The following CCDC80 variants were observed in gnomAD, a reference collection of about 807,000 sequenced individuals.
CCDC80 encodes the protein coiled-coil domain containing 80, also known as coiled-coil domain-containing protein 80.
CCDC80 carries 49 observed loss-of-function variants against 78.7 expected under a neutral mutation model. That is an observed-to-expected ratio of 0.62 (90% CI 0.50 to 0.79). The LOEUF (loss-of-function observed/expected upper bound fraction) is 0.79, where lower values mean the gene tolerates loss of function less well. Ranked by LOEUF, CCDC80 falls within the 30% of genes least tolerant of loss-of-function variation. The pLI is 0.00. For synonymous variants in CCDC80, 488 were observed against 447.0 expected (o/e 1.09, Z -1.16); for missense variants, 1,205 against 1,198.6 (o/e 1.01, Z -0.08).
intron 5 of CCDC80, among the ~76,000 whole-genome samples, chr3:112,616,074 A>C (rs2107477703): frequency 6.6e-6 from 1 of 151,938 alleles, no homozygotes; most frequent in Non-Finnish European, 1.5e-5. Context: ...CTGGATTGGG[A>C]CCCCTGTCCT....
chr3:112,618,454 G>A (rs895795931), intron 4 of CCDC80, among the ~76,000 whole-genome samples: 1 of 152,058 alleles, frequency 6.6e-6, no homozygotes, highest in Non-Finnish European at 1.5e-5. Context: ...GTGAACCTGG[G>A]GGGTGGAGCT....
chr3:112,613,374 T>C (rs894837111), intron 5 of CCDC80, among the ~76,000 whole-genome samples: 25 of 152,320 alleles, frequency 1.6e-4, no homozygotes, highest in African/African-American at 5.5e-4. Flanking sequence ...AAGATGTATA[T>C]TCCTATAGTA....
chr3:112,622,058 G>T (rs1390279703), intron 3 of CCDC80, among the ~76,000 whole-genome samples: 1 of 152,146 alleles, frequency 6.6e-6, no homozygotes, highest in African/African-American at 2.4e-5. Context: ...CACATTGCAG[G>T]TTAATGATAG....
At chr3:112,620,810 T>C (rs1576786993) in intron 3 of CCDC80, among the ~76,000 whole-genome samples, 1 of 152,382 alleles carries the variant, frequency 6.6e-6, no homozygotes, top group Admixed American at 6.5e-5. Context: ...AACCAGATTT[T>C]ATCTTGTATT....
In CCDC80 at chr3:112,638,726, G is replaced by A. The variant is rs1391907159; in HGVS notation, c.1180C>T (p.His394Tyr). 1 of 1,614,022 alleles carries A rather than the reference G, an allele frequency of 6.2e-7. No homozygotes were observed. The highest frequency in any genetic ancestry group is 1.1e-5 in the South Asian group (1 of 91,076). Residue 394 changes from histidine (H) to tyrosine (Y), a missense_variant, in exon 2 of 8, where the codon CAC (histidine) becomes TAC (tyrosine). Coordinates refer to ENST00000206423, the MANE Select transcript of CCDC80 (RefSeq NM_199511.3). ...TQRPWTPSPSHRPPTTTEVIT... is the reference protein window; with the variant it reads ...TQRPWTPSPSYRPPTTTEVIT... ...ACCTCAGTGGTTGTAGGGGGCCTGT[G>A]GGAGGGTGAGGGGGTCCAGGGCCTC...
At chr3:112,609,913 CA>C in intron 6 of CCDC80, 64 bp downstream of exon 6, 1 of 1,149,692 alleles carries the variant, frequency 8.7e-7, no homozygotes, top group South Asian at 1.3e-5. Flanking sequence ...TTCTATGTTC[CA>C]TTTTAGAATT....
chr3:112,634,664 T>A (rs1363392595), intron 2 of CCDC80, among the ~76,000 whole-genome samples: 1 of 152,228 alleles, frequency 6.6e-6, no homozygotes, highest in South Asian at 2.1e-4. Context: ...GACTCAAGGT[T>A]GACAATGAAT....
intron 3 of CCDC80, among the ~76,000 whole-genome samples, chr3:112,621,614 T>C (rs1307883622): frequency 2.0e-5 from 3 of 152,180 alleles, no homozygotes; most frequent in Non-Finnish European, 4.4e-5. Context: ...ATTATCTGGC[T>C]CCACACCATC....
intron 3 of CCDC80, among the ~76,000 whole-genome samples, chr3:112,619,837 T>G (rs1935826991): frequency 6.6e-6 from 1 of 152,234 alleles, no homozygotes; most frequent in Non-Finnish European, 1.5e-5. Flanking sequence ...TACTAGTGGC[T>G]TTACATGGCA....
intron 3 of CCDC80, among the ~76,000 whole-genome samples, chr3:112,621,808 T>C (rs1381613836): frequency 6.6e-6 from 1 of 152,104 alleles, no homozygotes; most frequent in African/African-American, 2.4e-5. Flanking sequence ...CATTCAATGG[T>C]TGATGTAGTA....
intron 3 of CCDC80, among the ~76,000 whole-genome samples, chr3:112,629,796 G>A (rs2107490082): frequency 6.6e-6 from 1 of 152,290 alleles, no homozygotes; most frequent in South Asian, 2.1e-4. Flanking sequence ...AGAAGACTCA[G>A]TACCCAGAAA....
intron 5 of CCDC80, among the ~76,000 whole-genome samples, chr3:112,613,034 G>T (rs570567382): frequency 6.6e-6 from 1 of 152,164 alleles, no homozygotes; most frequent in Admixed American, 6.5e-5. Flanking sequence ...GCTTTGTACT[G>T]GGTCCTGGGC....
chr3:112,618,704 AT>A (rs1935802400), intron 4 of CCDC80, among the ~76,000 whole-genome samples: 1 of 152,182 alleles, frequency 6.6e-6, no homozygotes, highest in African/African-American at 2.4e-5. Context: ...TGTCTTATGA[AT>A]GTAAAACATT....
At chr3:112,640,034 A>G in intron 1 of CCDC80, 118 bp from the exon 2 acceptor site, 1 of 1,441,852 alleles carries the variant, frequency 6.9e-7, no homozygotes, top group Non-Finnish European at 9.1e-7. Flanking sequence ...GGGGAGGGGA[A>G]AAGGTTGGTT....
chr3:112,638,223 C>G lies in CCDC80; in HGVS notation c.1683G>C (p.Lys561Asn). 2 of 1,613,076 alleles carry G rather than the reference C, an allele frequency of 1.2e-6. No homozygotes were observed. Among genetic ancestry groups the G allele is most frequent in the Non-Finnish European group, 1.7e-6 (2 of 1,179,136 alleles). Residue 561 changes from lysine (K) to asparagine (N), a missense_variant, in exon 2 of 8, where the codon AAG becomes AAC. Physicochemically the swap from Lys to Asn is moderately conservative, Grantham distance 94. Transcript: ENST00000206423. ...TCATTTGCTTTTCACTCTTAAGTAA[C>G]TTGTCTGCGTTCTCATTCTTCATCT... ...KKKMKNENADKLLKSEKQMKK... is the reference protein window; with the variant it reads ...KKKMKNENADNLLKSEKQMKK...
At chr3:112,637,937 C>G in intron 2 of CCDC80, 91 bp downstream of exon 2, 1 of 1,520,022 alleles carries the variant, frequency 6.6e-7, no homozygotes, top group Non-Finnish European at 8.7e-7. Flanking sequence ...AGTCTGGCAT[C>G]TAGCAATATG....
At chr3:112,617,237 A>G (rs184921672) in intron 4 of CCDC80, among the ~76,000 whole-genome samples, 2 of 152,364 alleles carry the variant, frequency 1.3e-5, no homozygotes, top group East Asian at 3.9e-4. Flanking sequence ...TAAATGGAAT[A>G]ACATGTTCAA....
intron 2 of CCDC80, among the ~76,000 whole-genome samples, chr3:112,635,815 T>A (rs1468521939): frequency 6.6e-6 from 1 of 152,164 alleles, no homozygotes; most frequent in African/African-American, 2.4e-5. Flanking sequence ...AAGCTGTCAT[T>A]TGAGTTTCAT....
rs1376743306 is a variant in CCDC80, at chr3:112,640,799, T to G, written c.-484A>C. On this transcript the variant is annotated 5_prime_UTR_variant, in exon 1 of 8. Coordinates refer to ENST00000206423, the MANE Select transcript of CCDC80 (RefSeq NM_199511.3). ...CATAGTCTGGCTTAGTCTCTTTGTT[T>G]CCGGGCGTAAAAGCACTGGGATTAA... 1 of 152,206 alleles carries G rather than the reference T, an allele frequency of 6.6e-6. No individual in the cohort carries two copies. Among genetic ancestry groups the G allele is most frequent in the Non-Finnish European group, 1.5e-5 (1 of 68,050 alleles). 9.4% of individuals were successfully genotyped at this position (152,206 alleles called of 1,614,324 possible). A position where few individuals can be genotyped will look rare whatever the true frequency, so the allele number is the denominator to read the frequency against.
Sources: allele counts gnomAD v4.1 joint callset (sites outside exome capture counted in the v4.1 genomes callset), GRCh38; gene constraint gnomAD v4.1.1; transcripts MANE v1.5; gene names NCBI Gene and HGNC (gene_info 2026-07-23, HGNC 2026-07-21).